Variants in DGKB observed in about 807,000 individuals in gnomAD.
DGKB encodes 90 kDa diacylglycerol kinase.
Under a neutral mutation model 114.3 loss-of-function variants are expected in DGKB, and 67 were observed. That is an observed-to-expected ratio of 0.59 (90% CI 0.48 to 0.72). The LOEUF (loss-of-function observed/expected upper bound fraction) is 0.72, where lower values mean the gene tolerates loss of function less well. Among genes scored for constraint, DGKB ranks in the 30% least tolerant of loss-of-function variants. The pLI, the probability that DGKB is intolerant of heterozygous loss-of-function variation, is 0.00. For missense variants in DGKB, 907 were observed against 975.2 expected, an observed-to-expected ratio of 0.93 and a Z score of 0.93; for synonymous variants, 398 against 323.1, an observed-to-expected ratio of 1.23 and a Z score of -2.49.
At chr7:14,563,145 C>T (rs1300050928) in intron 20 of DGKB, among the ~76,000 whole-genome samples, 3 of 152,160 alleles carry the variant, frequency 2.0e-5, no homozygotes, top group African/African-American at 4.8e-5. Context: ...TAAGGCACGC[C>T]TTTGTTCCTC....
intron 23 of DGKB, among the ~76,000 whole-genome samples, chr7:14,182,171 A>T (rs188865252): frequency 9.9e-5 from 15 of 152,280 alleles, no homozygotes; most frequent in African/African-American, 3.6e-4. Flanking sequence ...AATTATCCAC[A>T]ATACCAAAAT....
intron 13 of DGKB, among the ~76,000 whole-genome samples, chr7:14,649,284 A>T (rs901459592): frequency 1.5e-4 from 22 of 151,712 alleles, no homozygotes; most frequent in Non-Finnish European, 2.4e-4. Context: ...CCATCAGACT[A>T]ACAGCGGATC....
intron 5 of DGKB, among the ~76,000 whole-genome samples, chr7:14,722,303 C>T (rs898697219): frequency 2.0e-5 from 3 of 152,126 alleles, no homozygotes; most frequent in Non-Finnish European, 2.9e-5. Context: ...CATTTTCTCC[C>T]GGATTTTGCC....
chr7:14,615,338 T>C (rs1217435740), intron 15 of DGKB, among the ~76,000 whole-genome samples: 3 of 151,924 alleles, frequency 2.0e-5, no homozygotes, highest in Admixed American at 6.6e-5. Context: ...GAGTCCAATA[T>C]ATGGAATTAT....
chr7:14,406,090 G>A (rs953178622), intron 21 of DGKB, among the ~76,000 whole-genome samples: 11 of 152,008 alleles, frequency 7.2e-5, no homozygotes, highest in Admixed American at 3.9e-4. Context: ...AAGAGATACA[G>A]CCATTATTAG....
chr7:14,634,241 T>A (rs1810297884), intron 13 of DGKB, among the ~76,000 whole-genome samples: 2 of 151,418 alleles, frequency 1.3e-5, no homozygotes, highest in South Asian at 4.1e-4. Context: ...ATCTTTCAGG[T>A]TAGGAAGCTG....
chr7:14,170,145 A>AAGAAAG (rs1554271985), intron 25 of DGKB, among the ~76,000 whole-genome samples: 3 of 100,006 alleles, frequency 3.0e-5, no homozygotes, highest in Non-Finnish European at 4.0e-5. Flanking sequence ...AAAAAAAAAA[A>AAGAAAG]AAAGAAAGAA....
intron 23 of DGKB, among the ~76,000 whole-genome samples, chr7:14,228,765 A>G (rs1460929382): frequency 6.6e-6 from 1 of 152,040 alleles, no homozygotes; most frequent in Non-Finnish European, 1.5e-5. Context: ...AACCTCTACC[A>G]TTGCTCTGGA....
chr7:14,612,209 C>T (rs1052697002), intron 16 of DGKB, among the ~76,000 whole-genome samples: 4 of 97,320 alleles, frequency 4.1e-5, no homozygotes, highest in East Asian at 9.0e-4. Flanking sequence ...GAGTCTCACA[C>T]GGTCACCTGG....
chr7:14,559,860 TTTC>T (rs779824176), intron 20 of DGKB, among the ~76,000 whole-genome samples: 6 of 152,126 alleles, frequency 3.9e-5, no homozygotes, highest in Admixed American at 3.3e-4. Context: ...TTATTTCTTT[TTTC>T]TTTTCTTTTC....
chr7:14,955,401 T>C (rs1431680427), intron 1 of DGKB, among the ~76,000 whole-genome samples: 1 of 152,034 alleles, frequency 6.6e-6, no homozygotes, highest in Non-Finnish European at 1.5e-5. Context: ...TCGTATACAC[T>C]TTTCCTAAGC....
chr7:14,160,405 C>T (rs1159152031), intron 25 of DGKB, among the ~76,000 whole-genome samples: 1 of 152,196 alleles, frequency 6.6e-6, no homozygotes, highest in Admixed American at 6.5e-5. Flanking sequence ...ACTCCTTAAG[C>T]TGATAAACAA....
intron 23 of DGKB, among the ~76,000 whole-genome samples, chr7:14,211,358 G>GTTCCTCTAC (rs1787814248): frequency 8.7e-6 from 1 of 114,854 alleles, no homozygotes; most frequent in African/African-American, 3.9e-5. Context: ...CATGTTTTGT[G>GTTCCTCTAC]ATATTTACTC....
At chr7:14,887,418 CA>C (rs1423539709) in intron 1 of DGKB, among the ~76,000 whole-genome samples, 1 of 151,596 alleles carries the variant, frequency 6.6e-6, no homozygotes, top group Non-Finnish European at 1.5e-5. Flanking sequence ...TTCTCTATTG[CA>C]AAAAAATTGG....
At chr7:14,343,196 C>CACACACACAG (rs1562972848) in intron 22 of DGKB, among the ~76,000 whole-genome samples, 3 of 150,462 alleles carry the variant, frequency 2.0e-5, no homozygotes, top group Non-Finnish European at 4.4e-5. Flanking sequence ...CACACACACA[C>CACACACACAG]ACAACAAGAT....
chr7:14,732,475 GGCTACTTCA>G (rs1831068044), intron 5 of DGKB, among the ~76,000 whole-genome samples: 1 of 151,886 alleles, frequency 6.6e-6, no homozygotes, highest in South Asian at 2.1e-4. Context: ...TCTGAGTCAA[GGCTACTTCA>G]GCCTTGAAAA....
intron 2 of DGKB, among the ~76,000 whole-genome samples, chr7:14,831,436 A>G (rs1049166499): frequency 6.6e-6 from 1 of 152,010 alleles, no homozygotes; most frequent in Non-Finnish European, 1.5e-5. Flanking sequence ...CAACCTTGGG[A>G]GACAGAGATT....
intron 20 of DGKB, among the ~76,000 whole-genome samples, chr7:14,545,880 A>T (rs7806743): frequency 0.35 from 53,076 of 151,934 alleles, 10,081 homozygotes; most frequent in South Asian, 0.46. Flanking sequence ...TGAAGAAGAG[A>T]CAATTATCAT....
chr7:14,912,247 C>G (rs1047336662), intron 1 of DGKB, among the ~76,000 whole-genome samples: 6 of 152,152 alleles, frequency 3.9e-5, no homozygotes, highest in Admixed American at 1.3e-4. Flanking sequence ...ATATCTAGAT[C>G]TCCAAATAGG....
Sources: allele counts gnomAD v4.1 joint callset (sites outside exome capture counted in the v4.1 genomes callset), GRCh38; gene constraint gnomAD v4.1.1; transcripts MANE v1.5; gene names NCBI Gene and HGNC (gene_info 2026-07-23, HGNC 2026-07-21).